The following ASAP2 variants were observed in gnomAD, a reference collection of about 807,000 sequenced individuals.
The protein encoded by ASAP2 is arf-GAP with SH3 domain, ANK repeat and PH domain-containing protein 2.
Under a neutral mutation model 131.4 loss-of-function variants are expected in ASAP2, and 45 were observed. The ratio of observed to expected loss-of-function variants is 0.34; its 90% CI spans 0.27 to 0.44. ASAP2 has a LOEUF of 0.44. Ranked by LOEUF, ASAP2 falls within the 20% of genes least tolerant of loss-of-function variation. The pLI, the probability that ASAP2 is intolerant of heterozygous loss-of-function variation, is 1.00. For missense variants in ASAP2, 1,011 were observed against 1,297.0 expected, an observed-to-expected ratio of 0.78 and a Z score of 3.39; for synonymous variants, 510 against 503.0, an observed-to-expected ratio of 1.01 and a Z score of -0.19.
At chr2:9,384,971 C>T (rs1209765174) in intron 20 of ASAP2, among the ~76,000 whole-genome samples, 1 of 152,202 alleles carries the variant, frequency 6.6e-6, no homozygotes, top group Non-Finnish European at 1.5e-5. Flanking sequence ...ATGTTATAAC[C>T]GAAGACTGTA....
chr2:9,226,197 A>G (rs6431991), intron 1 of ASAP2, among the ~76,000 whole-genome samples: 85,760 of 152,134 alleles, frequency 0.56, 25,737 homozygotes, highest in African/African-American at 0.78. Flanking sequence ...AGAAATCAAC[A>G]TTATAATAAA....
intron 22 of ASAP2, 113 bp from the exon 23 acceptor site, chr2:9,390,949 T>A: frequency 6.5e-7 from 1 of 1,528,466 alleles, no homozygotes; most frequent in Non-Finnish European, 9.0e-7. Context: ...AGGGTCATAC[T>A]GACCGTTTCA....
chr2:9,353,879 G>A lies in ASAP2; in HGVS notation c.1112-2168G>A, dbSNP rs559819663. On this transcript the variant is annotated intron_variant, in intron 12 of 27. Transcript: ENST00000281419. ...AGTCCAAGCTACTTGGGAGGCTGAGGTGGGGGGATCACTTGAGTCCAGGAG... is the reference window on the plus strand; with the variant it reads ...AGTCCAAGCTACTTGGGAGGCTGAGATGGGGGGATCACTTGAGTCCAGGAG... 4.0e-5 allele frequency among the ~76,000 whole-genome samples: 6 copies of A among 151,866 alleles called. No homozygotes were observed. In the South Asian group the frequency reaches 1.2e-3, roughly 31 times the overall value.
At chr2:9,274,069 A>G (rs1408847593) in intron 1 of ASAP2, among the ~76,000 whole-genome samples, 1 of 152,210 alleles carries the variant, frequency 6.6e-6, no homozygotes, top group African/African-American at 2.4e-5. Flanking sequence ...GTTATGTCAG[A>G]TCTCTTTCAC....
At chr2:9,309,531 G>A (rs1451636290) in intron 3 of ASAP2, among the ~76,000 whole-genome samples, 1 of 152,190 alleles carries the variant, frequency 6.6e-6, no homozygotes, top group Non-Finnish European at 1.5e-5. Flanking sequence ...ATCCTCTTGG[G>A]GTGAGAGGGT....
At chr2:9,267,512 A>G (rs1666022682) in intron 1 of ASAP2, among the ~76,000 whole-genome samples, 1 of 152,252 alleles carries the variant, frequency 6.6e-6, no homozygotes, top group South Asian at 2.1e-4. Flanking sequence ...TCCATGGTGT[A>G]TATGTACCAC....
At chr2:9,303,874 G>A (rs1162260939) in intron 3 of ASAP2, among the ~76,000 whole-genome samples, 2 of 152,194 alleles carry the variant, frequency 1.3e-5, no homozygotes, top group African/African-American at 4.8e-5. Flanking sequence ...GCCATATTGG[G>A]CAAAGATAGC....
At chr2:9,344,472 T>C in intron 9 of ASAP2, 60 bp from the exon 10 acceptor site, 1 of 1,437,298 alleles carries the variant, frequency 7.0e-7, no homozygotes, top group African/African-American at 1.4e-5. Context: ...CTTTGTGTAC[T>C]GCTTTTCTAA....
rs189778596 is a variant in ASAP2, at chr2:9,250,245, G to C, written c.127-29072G>C. The stretch of plus-strand genomic sequence containing the variant: ...TTTGTTGGATAAAACTCCACAAACT[G>C]TAAGGAATGTTACACACATGGTAAT... On this transcript the variant is annotated intron_variant, in intron 1 of 27. Transcript: ENST00000281419. Among the ~76,000 whole-genome samples the C allele has an allele frequency of 1.3e-3, 196 of 152,280 alleles. 1 individual carries two copies. The highest frequency in any genetic ancestry group is 4.4e-3 in the African/African-American group (184 of 41,546).
intron 7 of ASAP2, among the ~76,000 whole-genome samples, chr2:9,332,626 C>T (rs558638072): frequency 7.2e-5 from 11 of 152,292 alleles, no homozygotes; most frequent in Admixed American, 1.3e-4. Context: ...TCTGTCTGAC[C>T]GTAGGGAGAA....
Position 9,335,077 on chromosome 2 carries a change from G to C in ASAP2, c.763-16G>C. On this transcript the variant is annotated splice_polypyrimidine_tract_variant and intron_variant, in intron 8 of 27. Transcript: ENST00000281419. ...AATTTTCTGATTGGTTCTGTTGTGT[G>C]TGTGTGTTTTTAAAGATCAAACAGG... 1 of 1,611,024 alleles carries C rather than the reference G, an allele frequency of 6.2e-7. No homozygotes were observed. The highest frequency in any genetic ancestry group is 2.2e-5 in the East Asian group (1 of 44,852).
intron 11 of ASAP2, among the ~76,000 whole-genome samples, 157 bp downstream of exon 11, chr2:9,344,957 C>T (rs1375476104): frequency 1.3e-5 from 2 of 149,938 alleles, no homozygotes; most frequent in Non-Finnish European, 3.0e-5. Context: ...TGCTGGCCTC[C>T]GTCTTGATTT....
chr2:9,344,908 T>A, intron 11 of ASAP2, 108 bp downstream of exon 11: 2 of 929,690 alleles, frequency 2.2e-6, no homozygotes, highest in Non-Finnish European at 1.7e-6. Flanking sequence ...GTGATGGTAT[T>A]AAGGATGTGT....
At chr2:9,226,795 G>C (rs897651929) in intron 1 of ASAP2, among the ~76,000 whole-genome samples, 2 of 152,174 alleles carry the variant, frequency 1.3e-5, no homozygotes, top group Non-Finnish European at 2.9e-5. Flanking sequence ...CTCTTCCCTG[G>C]CCTAACATCA....
At chr2:9,395,936 A>C (rs1216318157) in intron 24 of ASAP2, among the ~76,000 whole-genome samples, 3 of 151,946 alleles carry the variant, frequency 2.0e-5, no homozygotes, top group Non-Finnish European at 1.5e-5. Context: ...GAGTAGAGAA[A>C]TAAAGTTAAA....
intron 1 of ASAP2, among the ~76,000 whole-genome samples, chr2:9,245,098 T>C (rs1391568826): frequency 2.0e-5 from 3 of 146,762 alleles, no homozygotes; most frequent in Admixed American, 6.7e-5. Flanking sequence ...GCAAGTCACT[T>C]TGATACCCAC....
At chr2:9,360,681 AG>A (rs1673021342) in intron 15 of ASAP2, among the ~76,000 whole-genome samples, 1 of 152,380 alleles carries the variant, frequency 6.6e-6, no homozygotes, top group African/African-American at 2.4e-5. Flanking sequence ...TTCATTATAT[AG>A]TACATTCACT....
chr2:9,317,604 A>T (rs1481837169), intron 3 of ASAP2, among the ~76,000 whole-genome samples: 1 of 150,040 alleles, frequency 6.7e-6, no homozygotes, highest in African/African-American at 2.5e-5. Flanking sequence ...ACATTCACGC[A>T]CTCACATCCA....
At position 9,206,922 on chromosome 2, in the gene ASAP2, G is replaced by A. The variant is rs990236998; in HGVS notation, c.-183G>A. On this transcript the variant is annotated 5_prime_UTR_variant, in exon 1 of 28. Transcript: ENST00000281419. This position sits in a 1 kb window ranked among gnomAD's most constrained non-coding sequence, Gnocchi z 4.0. ...CGGGCGGACCGGCCGAGCTGCGCGG[G>A]GCTGCGCGCCGCCCCTGCTCCGCCG... The A allele has an allele frequency of 2.4e-5, 8 of 332,932 alleles. No individual in the cohort carries two copies. Among genetic ancestry groups the A allele is most frequent in the Admixed American group, 2.0e-4 (3 of 14,944 alleles). The allele number at this position is 332,932 out of a possible 1,614,324, so 20.6% of individuals were successfully genotyped here.
Sources: gnomAD v4.1 joint callset for allele counts (sites outside exome capture counted in the v4.1 genomes callset) on GRCh38, gnomAD v4.1.1 for gene constraint, Gnocchi (gnomAD v3.1) non-coding constraint, MANE v1.5 for transcripts, NCBI Gene and HGNC (gene_info 2026-07-23, HGNC 2026-07-21) for gene names.